CDC14A: variants seen among roughly 807,000 people sequenced by gnomAD.
The protein encoded by CDC14A is cell division cycle 14A, also known as dual specificity protein phosphatase CDC14A.
Under a neutral mutation model 74.4 loss-of-function variants are expected in CDC14A, and 53 were observed. The observed-to-expected ratio is 0.71, with a 90% CI of 0.57 to 0.89. The LOEUF is 0.89. Ranked by LOEUF, CDC14A falls within the 40% of genes least tolerant of loss-of-function variation. The pLI is 0.00. For synonymous variants in CDC14A, 247 were observed against 258.4 expected (o/e 0.96, Z 0.43); for missense variants, 646 against 713.7 (o/e 0.91, Z 1.08).
Position 100,389,451 on chromosome 1 carries a change from CAAAA to C in CDC14A, c.217-1272_217-1269del, listed in dbSNP as rs111538330. On this transcript the variant is annotated intron_variant, in intron 3 of 15. Coordinates refer to ENST00000336454, the MANE Select transcript of CDC14A (RefSeq NM_003672.4). ...TGGGTGACAAAGCGAGAATCTGTCT[CAAAA>C]AAAAAAAATATATATATATGTGTAT... Among the ~76,000 whole-genome samples, 6 of 112,442 alleles carry C rather than the reference CAAAA, an allele frequency of 5.3e-5. No homozygotes were observed. The South Asian group carries it at 1.6e-3, about 30-fold the overall frequency. 73.8% of individuals were successfully genotyped at this position (112,442 alleles called of 152,430 possible).
chr1:100,425,778 A>G (rs557711804), intron 5 of CDC14A, among the ~76,000 whole-genome samples: 1 of 152,216 alleles, frequency 6.6e-6, no homozygotes, highest in Non-Finnish European at 1.5e-5. Context: ...TGGCTCCTAT[A>G]CTTTGAAAGT....
At chr1:100,394,085 T>C in intron 4 of CDC14A, 1 of 216,578 alleles carries the variant, frequency 4.6e-6, no homozygotes, top group Non-Finnish European at 8.9e-6. Flanking sequence ...TTCCCTCCCT[T>C]GCATCTTCTC....
At position 100,498,216 on chromosome 1, in the gene CDC14A, T is replaced by C. The variant is rs1163415867; in HGVS notation, c.1421+9T>C. ...GGTGCCACTGTAAGAAGGTAATTTT[T>C]CTCTCCCTCTTCTAAGGTGCTGGTT... On this transcript the variant is annotated intron_variant, in intron 14 of 15. Coordinates refer to ENST00000336454, the MANE Select transcript of CDC14A (RefSeq NM_003672.4). The C allele has an allele frequency of 1.9e-6, 3 of 1,612,806 alleles. No individual in the cohort carries two copies. Among genetic ancestry groups the C allele is most frequent in the Admixed American group, 3.3e-5 (2 of 59,806 alleles).
intron 6 of CDC14A, among the ~76,000 whole-genome samples, chr1:100,440,725 T>C (rs1324632547): frequency 6.6e-6 from 1 of 152,190 alleles, no homozygotes; most frequent in Admixed American, 6.5e-5. Context: ...ACTATAAATA[T>C]ATTATCAGTA....
chr1:100,352,210 TAA>T (rs1651134432), upstream of CDC14A, among the ~76,000 whole-genome samples: 2 of 152,128 alleles, frequency 1.3e-5, no homozygotes, highest in East Asian at 3.9e-4. Context: ...GTTTCATTCA[TAA>T]GTTTCTGGCC....
chr1:100,483,303 A>G (rs115026929), intron 10 of CDC14A, among the ~76,000 whole-genome samples: 100 of 152,262 alleles, frequency 6.6e-4, no homozygotes, highest in African/African-American at 2.3e-3. Flanking sequence ...GTGTGGTGGT[A>G]TCTCATTATG....
chr1:100,493,664 T>C (rs1468371532), intron 11 of CDC14A, among the ~76,000 whole-genome samples: 2 of 152,244 alleles, frequency 1.3e-5, no homozygotes, highest in African/African-American at 4.8e-5. Flanking sequence ...TCCTGGGATC[T>C]TGGGCTGCGT....
At chr1:100,415,156 A>G (rs1661370461) in intron 4 of CDC14A, among the ~76,000 whole-genome samples, 2 of 152,198 alleles carry the variant, frequency 1.3e-5, no homozygotes, top group African/African-American at 4.8e-5. Flanking sequence ...ACACATGGCT[A>G]ATATTGTCTG....
intron 3 of CDC14A, among the ~76,000 whole-genome samples, chr1:100,382,725 T>C (rs1319139140): frequency 6.6e-6 from 1 of 152,162 alleles, no homozygotes. Flanking sequence ...AAAAAAGGAT[T>C]AAAGGAGTAT....
chr1:100,398,602 T>C (rs1658861222), intron 4 of CDC14A, among the ~76,000 whole-genome samples: 1 of 152,184 alleles, frequency 6.6e-6, no homozygotes, highest in Admixed American at 6.5e-5. Flanking sequence ...TTCCTAGCAC[T>C]ATGGTAGGTT....
At chr1:100,429,791 A>G (rs1177333424) in intron 5 of CDC14A, among the ~76,000 whole-genome samples, 1 of 149,240 alleles carries the variant, frequency 6.7e-6, no homozygotes, top group Non-Finnish European at 1.5e-5. Context: ...ATATATATCA[A>G]GTAAATTTAA....
intron 11 of CDC14A, chr1:100,485,288 C>G: frequency 1.0e-6 from 1 of 985,084 alleles, no homozygotes; most frequent in Non-Finnish European, 1.2e-6. Flanking sequence ...ACTGGGCATT[C>G]AATTCCTAGT....
chr1:100,496,223 A>ATT (rs149672640), intron 13 of CDC14A, among the ~76,000 whole-genome samples, 174 bp downstream of exon 13: 2 of 144,510 alleles, frequency 1.4e-5, no homozygotes, highest in Non-Finnish European at 1.5e-5. Flanking sequence ...CATGAAAAGG[A>ATT]TTTTTTTTTT....
At chr1:100,421,931 A>T (rs886934714) in intron 4 of CDC14A, among the ~76,000 whole-genome samples, 1 of 152,108 alleles carries the variant, frequency 6.6e-6, no homozygotes, top group East Asian at 1.9e-4. Flanking sequence ...GGAAAAATCG[A>T]ATTTGGTATT....
chr1:100,384,152 G>A (rs1002497756), intron 3 of CDC14A, among the ~76,000 whole-genome samples: 1 of 152,124 alleles, frequency 6.6e-6, no homozygotes, highest in Admixed American at 6.5e-5. Flanking sequence ...TTCTTTCCAA[G>A]ATAGAAAATG....
At chr1:100,394,855 T>C (rs1438120909) in intron 4 of CDC14A, among the ~76,000 whole-genome samples, 1 of 152,258 alleles carries the variant, frequency 6.6e-6, no homozygotes, top group East Asian at 1.9e-4. Context: ...TGTATGTATT[T>C]ACTTGTTGAC....
chr1:100,442,389 T>G lies in CDC14A; in HGVS notation c.457-545T>G, dbSNP rs6686956. ...AGTATATATAAATATATACTATATA[T>G]TATATATAAATATATATATTCTCTC... On this transcript the variant is annotated intron_variant, in intron 6 of 15. Transcript: ENST00000336454. Among the ~76,000 whole-genome samples, 860 of 146,650 alleles carry G rather than the reference T, an allele frequency of 5.9e-3. 15 individuals are homozygous for G. Among genetic ancestry groups the G allele is most frequent in the African/African-American group, 0.021 (833 of 40,418 alleles).
rs148860738 is a variant in CDC14A at position 100,372,124 on chromosome 1, A to G, written c.141-5422A>G. On this transcript the variant is annotated intron_variant, in intron 2 of 15. Coordinates refer to ENST00000336454, the MANE Select transcript of CDC14A (RefSeq NM_003672.4). ...TTGTGTCTAAGAAAGCAATGTATATACCTTAACTAAAAATACTTTATTGCT... is the reference window on the plus strand; with the variant it reads ...TTGTGTCTAAGAAAGCAATGTATATGCCTTAACTAAAAATACTTTATTGCT... 1.4e-3 allele frequency among the ~76,000 whole-genome samples: 216 copies of G among 152,330 alleles called. 2 individuals are homozygous for G. The highest frequency in any genetic ancestry group is 5.1e-3 in the African/African-American group (212 of 41,578).
chr1:100,509,566 T>A (rs1477259856), intron 15 of CDC14A, among the ~76,000 whole-genome samples: 12 of 152,246 alleles, frequency 7.9e-5, no homozygotes, highest in Admixed American at 7.2e-4. Context: ...GTGTGTCAGA[T>A]CTTTAACTTA....
Sources: gnomAD v4.1 joint callset for allele counts (sites outside exome capture counted in the v4.1 genomes callset) on GRCh38, gnomAD v4.1.1 for gene constraint, MANE v1.5 for transcripts, NCBI Gene and HGNC (gene_info 2026-07-23, HGNC 2026-07-21) for gene names.